The following KCNQ3 variants were observed in gnomAD, a reference collection of about 807,000 sequenced individuals.
KCNQ3 encodes the protein potassium voltage-gated channel subfamily Q member 3.
A neutral mutation model predicts 92.5 loss-of-function variants in KCNQ3; 30 were observed. The ratio of observed to expected loss-of-function variants is 0.32; its 90% CI spans 0.24 to 0.44. The LOEUF (loss-of-function observed/expected upper bound fraction) is 0.44, where lower values mean the gene tolerates loss of function less well. Ranked by LOEUF, KCNQ3 falls within the 20% of genes least tolerant of loss-of-function variation. KCNQ3 has a pLI of 1.00. For missense variants in KCNQ3, 913 were observed against 1,140.3 expected, an observed-to-expected ratio of 0.80 and a Z score of 2.87; for synonymous variants, 450 against 468.8, an observed-to-expected ratio of 0.96 and a Z score of 0.52.
intron 1 of KCNQ3, among the ~76,000 whole-genome samples, chr8:132,313,806 G>A (rs781131315): frequency 6.6e-6 from 1 of 152,090 alleles, no homozygotes; most frequent in Non-Finnish European, 1.5e-5. Context: ...ATATATCATT[G>A]TTTTCAATAA....
Position 132,403,016 on chromosome 8 carries a change from C to CAAAAAAAAAAAAAAAAA in KCNQ3, c.386+77130_386+77131insTTTTTTTTTTTTTTTTT, listed in dbSNP as rs375099145. 2.8e-3 allele frequency among the ~76,000 whole-genome samples: 187 copies of CAAAAAAAAAAAAAAAAA among 67,614 alleles called. 13 individuals carry two copies. The highest frequency in any genetic ancestry group is 3.6e-3 in the Non-Finnish European group (149 of 41,854). The allele number at this position is 67,614 out of a possible 152,430, so 44.4% of individuals were successfully genotyped here. ...CTGGCAACAGGGCGAGGCACCATCA[C>CAAAAAAAAAAAAAAAAA]AAAAAAAAAAAAAAAAGTGTCAATA... On this transcript the variant is annotated intron_variant, in intron 1 of 14. Coordinates refer to ENST00000388996, the MANE Select transcript of KCNQ3 (RefSeq NM_004519.4).
intron 1 of KCNQ3, among the ~76,000 whole-genome samples, chr8:132,394,646 G>C (rs1161497631): frequency 6.6e-6 from 1 of 152,094 alleles, no homozygotes; most frequent in Non-Finnish European, 1.5e-5. Context: ...TTAACACACT[G>C]GTTATTATCA....
intron 1 of KCNQ3, among the ~76,000 whole-genome samples, chr8:132,296,695 C>G (rs1188103221): frequency 6.6e-6 from 1 of 152,116 alleles, no homozygotes; most frequent in East Asian, 1.9e-4. Context: ...CAGTTTCATC[C>G]ATGTCCCTAA....
At chr8:132,228,390 A>T (rs556191923) in intron 1 of KCNQ3, among the ~76,000 whole-genome samples, 70 of 152,112 alleles carry the variant, frequency 4.6e-4, no homozygotes, top group African/African-American at 1.0e-3. Context: ...AGAGAGAGAG[A>T]GTGTGTCCCT....
At chr8:132,234,974 T>C (rs961019402) in intron 1 of KCNQ3, among the ~76,000 whole-genome samples, 5 of 152,232 alleles carry the variant, frequency 3.3e-5, no homozygotes, top group Non-Finnish European at 5.9e-5. Context: ...CTTATGAATA[T>C]ATTCAAAATC....
At chr8:132,460,721 G>A (rs114212539) in intron 1 of KCNQ3, among the ~76,000 whole-genome samples, 78 of 152,232 alleles carry the variant, frequency 5.1e-4, no homozygotes, top group Non-Finnish European at 8.5e-4. Flanking sequence ...CTGGGGTTCC[G>A]TGACCTCCTA....
intron 1 of KCNQ3, among the ~76,000 whole-genome samples, chr8:132,326,984 A>G (rs527882986): frequency 1.7e-4 from 26 of 152,332 alleles, no homozygotes; most frequent in African/African-American, 6.3e-4. Context: ...GCCTCCGGCC[A>G]TATTCTATAT....
intron 1 of KCNQ3, among the ~76,000 whole-genome samples, chr8:132,378,927 C>G (rs1819675663): frequency 6.6e-6 from 1 of 152,190 alleles, no homozygotes; most frequent in African/African-American, 2.4e-5. Flanking sequence ...TAGCAGCCAT[C>G]TTTTAAATAT....
At chr8:132,182,246 A>C (rs1233136992) in intron 3 of KCNQ3, among the ~76,000 whole-genome samples, 1 of 152,186 alleles carries the variant, frequency 6.6e-6, no homozygotes, top group Non-Finnish European at 1.5e-5. Context: ...CTTGCAGAGA[A>C]AACAAAAGAA....
intron 1 of KCNQ3, among the ~76,000 whole-genome samples, chr8:132,376,497 A>G (rs1819613268): frequency 1.3e-5 from 2 of 152,188 alleles, no homozygotes; most frequent in African/African-American, 4.8e-5. Context: ...GGAGAAAGGA[A>G]TGGAAGAATT....
Position 132,160,677 on chromosome 8 carries a change from C to T in KCNQ3, c.1262+2791G>A, listed in dbSNP as rs189301991. 8.8e-4 allele frequency among the ~76,000 whole-genome samples: 132 copies of T among 149,292 alleles called. 1 individual carries two copies. Among genetic ancestry groups the T allele is most frequent in the African/African-American group, 3.4e-3 (131 of 38,766 alleles). ...AGCCCATAGTCAGTTATAAAGCTGT[C>T]GCTTATGAGGGCTGTCTTGACTGTT... On this transcript the variant is annotated intron_variant, in intron 9 of 14. Transcript: ENST00000388996.
intron 1 of KCNQ3, among the ~76,000 whole-genome samples, chr8:132,227,964 A>G (rs1814487834): frequency 2.0e-5 from 3 of 152,142 alleles, no homozygotes; most frequent in Admixed American, 2.0e-4. Context: ...AAGTGAAGAA[A>G]CACACTCAAG....
At chr8:132,181,572 A>C (rs1826777686) in intron 3 of KCNQ3, among the ~76,000 whole-genome samples, 1 of 151,490 alleles carries the variant, frequency 6.6e-6, no homozygotes, top group African/African-American at 2.5e-5. Flanking sequence ...AGTTCCAAGG[A>C]ACACACTTAA....
chr8:132,324,899 T>C (rs952393831), intron 1 of KCNQ3, among the ~76,000 whole-genome samples: 3 of 152,178 alleles, frequency 2.0e-5, no homozygotes, highest in Non-Finnish European at 2.9e-5. Flanking sequence ...GAGTTCTACT[T>C]GTTATTTAAT....
chr8:132,168,360 A>G (rs1340007688), intron 8 of KCNQ3, among the ~76,000 whole-genome samples: 1 of 152,194 alleles, frequency 6.6e-6, no homozygotes, highest in Non-Finnish European at 1.5e-5. Context: ...CATTGCCTTC[A>G]GGATCAAAGT....
intron 1 of KCNQ3, among the ~76,000 whole-genome samples, chr8:132,398,979 T>C (rs1468755752): frequency 1.3e-5 from 2 of 152,188 alleles, no homozygotes; most frequent in Non-Finnish European, 2.9e-5. Context: ...GCACCATGCT[T>C]GCATGTACCT....
chr8:132,441,338 C>T (rs370757546), intron 1 of KCNQ3, among the ~76,000 whole-genome samples: 194 of 152,252 alleles, frequency 1.3e-3, no homozygotes, highest in Admixed American at 3.9e-3. Context: ...ATCACAAGGT[C>T]GGGAGATCAA....
chr8:132,278,231 A>C (rs981681969), intron 1 of KCNQ3: 7 of 984,624 alleles, frequency 7.1e-6, no homozygotes, highest in Non-Finnish European at 8.4e-6. Context: ...ATTAGCATAC[A>C]AAAGTAGAGG....
intron 1 of KCNQ3, among the ~76,000 whole-genome samples, chr8:132,225,159 C>G (rs1230537540): frequency 2.0e-5 from 3 of 152,184 alleles, no homozygotes; most frequent in Admixed American, 6.5e-5. Context: ...GGCAGAATAA[C>G]AGTAAAGAAT....
Sources: gnomAD v4.1 joint callset for allele counts (sites outside exome capture counted in the v4.1 genomes callset) on GRCh38, gnomAD v4.1.1 for gene constraint, MANE v1.5 for transcripts, NCBI Gene and HGNC (gene_info 2026-07-23, HGNC 2026-07-21) for gene names.